Variants in SLC71A2 observed in about 807,000 individuals in gnomAD.
SLC71A2 encodes solute carrier family 71 member 2, also known as hippocampus abundant transcript-like 1.
At chr9:94,402,373 G>T in the SLC71A2 span, among the ~76,000 whole-genome samples, 5 of 151,562 alleles carry the variant, frequency 3.3e-5, no homozygotes, top group Non-Finnish European at 7.4e-5. Flanking sequence ...GTACCATACA[G>T]TTCATCATTT....
chr9:94,417,870 C>T, the SLC71A2 span, among the ~76,000 whole-genome samples: 3 of 91,914 alleles, frequency 3.3e-5, no homozygotes, highest in Admixed American at 1.0e-4. Flanking sequence ...CCCCCCCCCC[C>T]CCCCCCGACA....
At chr9:94,424,932 C>G in the SLC71A2 span, among the ~76,000 whole-genome samples, 105,838 of 148,580 alleles carry the variant, frequency 0.71, 39,249 homozygotes, top group African/African-American at 0.93. Context: ...TAATAAATAT[C>G]GGGTTTCAGC....
the SLC71A2 span, among the ~76,000 whole-genome samples, chr9:94,406,907 G>C: frequency 6.6e-6 from 1 of 151,928 alleles, no homozygotes; most frequent in African/African-American, 2.4e-5. Context: ...TTTTCTTGCC[G>C]TATTACTCTG....
the SLC71A2 span, among the ~76,000 whole-genome samples, chr9:94,407,585 G>T: frequency 0.019 from 2,846 of 152,122 alleles, 73 homozygotes; most frequent in African/African-American, 0.065. Flanking sequence ...CACTATGTTG[G>T]CCAGGCTGGT....
the SLC71A2 span, among the ~76,000 whole-genome samples, chr9:94,454,283 G>C: frequency 6.6e-6 from 1 of 152,150 alleles, no homozygotes; most frequent in Non-Finnish European, 1.5e-5. Context: ...GGACTTTCAC[G>C]GAATTGTTCC....
the SLC71A2 span, chr9:94,459,053 A>C: frequency 2.5e-6 from 3 of 1,177,356 alleles, no homozygotes; most frequent in Non-Finnish European, 3.7e-6. Context: ...GCTTATGAGA[A>C]TATGATTCAC....
At chr9:94,415,222 C>T in the SLC71A2 span, 3 of 1,613,724 alleles carry the variant, frequency 1.9e-6, no homozygotes, top group Non-Finnish European at 1.7e-6. Flanking sequence ...GAATTCTTTG[C>T]GTGGGGCCTG....
the SLC71A2 span, among the ~76,000 whole-genome samples, chr9:94,447,307 G>A: frequency 2.6e-5 from 4 of 151,768 alleles, no homozygotes; most frequent in African/African-American, 7.3e-5. Flanking sequence ...AGCCTCCCGA[G>A]TAGCTGGGAT....
chr9:94,429,564 C>T, the SLC71A2 span, among the ~76,000 whole-genome samples: 1 of 151,630 alleles, frequency 6.6e-6, no homozygotes, highest in Admixed American at 6.6e-5. Flanking sequence ...ATAAAGTGGG[C>T]AATTGCTACC....
the SLC71A2 span, among the ~76,000 whole-genome samples, chr9:94,427,974 T>G: frequency 6.6e-6 from 1 of 151,784 alleles, no homozygotes; most frequent in Admixed American, 6.6e-5. Flanking sequence ...ATACAAAAAT[T>G]AGCTGGGCAT....
At chr9:94,412,401 G>T in the SLC71A2 span, among the ~76,000 whole-genome samples, 4 of 152,188 alleles carry the variant, frequency 2.6e-5, no homozygotes, top group Non-Finnish European at 5.9e-5. Flanking sequence ...CTTTGGCCCT[G>T]CAACTTCACT....
the SLC71A2 span, among the ~76,000 whole-genome samples, chr9:94,434,550 C>T: frequency 2.6e-5 from 4 of 151,978 alleles, no homozygotes; most frequent in African/African-American, 9.7e-5. Flanking sequence ...CTCTTGACCT[C>T]GTGATCCTCC....
the SLC71A2 span, among the ~76,000 whole-genome samples, chr9:94,409,129 C>CTT: frequency 3.4e-3 from 229 of 68,236 alleles, 17 homozygotes; most frequent in East Asian, 0.015. Flanking sequence ...GCCCGGCCTC[C>CTT]TTTTTTTTTT....
chr9:94,415,389 T>TG, the SLC71A2 span: 1 of 681,328 alleles, frequency 1.5e-6, no homozygotes, highest in South Asian at 1.8e-5. Flanking sequence ...TTCATTGTTT[T>TG]TTTTTTTTCC....
chr9:94,421,776 G>A, the SLC71A2 span, among the ~76,000 whole-genome samples: 4 of 152,000 alleles, frequency 2.6e-5, no homozygotes, highest in Non-Finnish European at 5.9e-5. Context: ...TTTCCTTCTC[G>A]TGAACTAGAG....
At chr9:94,382,340 T>C in the SLC71A2 span, among the ~76,000 whole-genome samples, 2 of 151,664 alleles carry the variant, frequency 1.3e-5, no homozygotes, top group African/African-American at 2.4e-5. Flanking sequence ...TAAACTTATA[T>C]GTCTTCTGTA....
the SLC71A2 span, among the ~76,000 whole-genome samples, chr9:94,434,435 G>C: frequency 6.6e-6 from 1 of 152,162 alleles, no homozygotes; most frequent in South Asian, 2.1e-4. Flanking sequence ...TCCTGCCTCA[G>C]ACTCCCAAGT....
the SLC71A2 span, chr9:94,459,133 G>A: frequency 6.2e-7 from 1 of 1,605,884 alleles, no homozygotes. Flanking sequence ...TGTATTCTTT[G>A]TCTCCACTTG....
the SLC71A2 span, among the ~76,000 whole-genome samples, chr9:94,378,664 T>A: frequency 4.0e-4 from 61 of 152,200 alleles, no homozygotes; most frequent in African/African-American, 1.4e-3. Context: ...GAGGACTCAC[T>A]CATTACTGTG....
Sources: allele counts gnomAD v4.1 joint callset (sites outside exome capture counted in the v4.1 genomes callset), GRCh38; gene constraint gnomAD v4.1.1; transcripts MANE v1.5; gene names NCBI Gene and HGNC (gene_info 2026-07-23, HGNC 2026-07-21).